SESTD1: variants seen among roughly 807,000 people sequenced by gnomAD.
SESTD1 encodes the protein SEC14 and spectrin domain containing 1, also known as SEC14 domain and spectrin repeat-containing protein 1.
SESTD1 carries 43 observed loss-of-function variants against 101.7 expected under a neutral mutation model. The observed-to-expected ratio is 0.42, with a 90% CI of 0.33 to 0.55. SESTD1 has a LOEUF of 0.55. SESTD1 is among the 20% of genes least tolerant of loss of function. The pLI is 0.07. For synonymous variants in SESTD1, 283 were observed against 286.8 expected, an observed-to-expected ratio of 0.99 and a Z score of 0.13; for missense variants, 647 against 815.1, an observed-to-expected ratio of 0.79 and a Z score of 2.51.
At chr2:179,149,749 CTTCT>C (rs1273078405) in intron 6 of SESTD1, among the ~76,000 whole-genome samples, 3 of 152,290 alleles carry the variant, frequency 2.0e-5, no homozygotes, top group African/African-American at 7.2e-5. Context: ...TTACAGAACA[CTTCT>C]TTATGTTATT....
At chr2:179,189,540 T>C (rs1052476113) in intron 2 of SESTD1, among the ~76,000 whole-genome samples, 3 of 152,130 alleles carry the variant, frequency 2.0e-5, no homozygotes, top group Non-Finnish European at 1.5e-5. Flanking sequence ...TCACCACTTG[T>C]ATTCAACATA....
intron 1 of SESTD1, among the ~76,000 whole-genome samples, chr2:179,242,006 A>G (rs569219738): frequency 2.2e-4 from 34 of 152,050 alleles, no homozygotes; most frequent in Non-Finnish European, 4.3e-4. Flanking sequence ...AGAGGCATAT[A>G]TGTAAGAAAA....
In SESTD1 at chr2:179,210,650, C is replaced by A. The variant is rs2046638782; in HGVS notation, c.-25-18784G>T. Among the ~76,000 whole-genome samples the A allele has an allele frequency of 2.2e-5, 3 of 134,606 alleles. 1 individual carries two copies. Among genetic ancestry groups the A allele is most frequent in the Non-Finnish European group, 4.8e-5 (3 of 62,522 alleles). The allele number at this position is 134,606 out of a possible 152,430, so 88.3% of individuals were successfully genotyped here. Reference sequence around the variant, plus strand: ...ATCCAGCATCACTTTATGATTAAAACCCTCAGCAAAATCAGCATAGAACAG... The same window carrying A: ...ATCCAGCATCACTTTATGATTAAAAACCTCAGCAAAATCAGCATAGAACAG... On this transcript the variant is annotated intron_variant, in intron 1 of 17. Transcript: ENST00000428443.
At chr2:179,231,492 A>G (rs1396131700) in intron 1 of SESTD1, among the ~76,000 whole-genome samples, 2 of 151,314 alleles carry the variant, frequency 1.3e-5, no homozygotes, top group Non-Finnish European at 2.9e-5. Context: ...TGCTACAACA[A>G]CAAACAGCAA....
At chr2:179,257,403 A>G (rs1407185602) in intron 1 of SESTD1, among the ~76,000 whole-genome samples, 1 of 152,238 alleles carries the variant, frequency 6.6e-6, no homozygotes, top group African/African-American at 2.4e-5. Context: ...AAATGAAGAT[A>G]TACGTAGATC....
At chr2:179,223,741 A>T (rs2046845294) in intron 1 of SESTD1, among the ~76,000 whole-genome samples, 1 of 152,214 alleles carries the variant, frequency 6.6e-6, no homozygotes, top group African/African-American at 2.4e-5. Flanking sequence ...GACTAAATGG[A>T]TTAAATGAAG....
At chr2:179,161,523 T>C (rs2045736075) in intron 5 of SESTD1, among the ~76,000 whole-genome samples, 1 of 151,992 alleles carries the variant, frequency 6.6e-6, no homozygotes, top group Admixed American at 6.6e-5. Flanking sequence ...GTGCTGGGCG[T>C]GGTGGCACAT....
chr2:179,219,986 C>T (rs552878940), intron 1 of SESTD1, among the ~76,000 whole-genome samples: 1 of 152,142 alleles, frequency 6.6e-6, no homozygotes, highest in South Asian at 2.1e-4. Flanking sequence ...GAAAAGAAAG[C>T]CTCTGAGATT....
intron 5 of SESTD1, among the ~76,000 whole-genome samples, chr2:179,151,881 G>A (rs903331641): frequency 6.6e-6 from 1 of 152,006 alleles, no homozygotes; most frequent in African/African-American, 2.4e-5. Context: ...CCACAATAAC[G>A]TATGCCAATA....
At chr2:179,132,275 T>C (rs200034284) in intron 10 of SESTD1, 29 bp downstream of exon 10, 574 of 1,523,576 alleles carry the variant, frequency 3.8e-4, no homozygotes, top group Middle Eastern at 8.8e-4. Flanking sequence ...ATAATATCAT[T>C]GTAACTTGCA....
chr2:179,215,543 C>A (rs1323111823), intron 1 of SESTD1, among the ~76,000 whole-genome samples: 1 of 134,014 alleles, frequency 7.5e-6, no homozygotes, highest in African/African-American at 3.0e-5. Context: ...CGATTCACAG[C>A]CGAATTCTAA....
intron 1 of SESTD1, among the ~76,000 whole-genome samples, chr2:179,213,460 A>T (rs1559146227): frequency 1.5e-5 from 2 of 135,002 alleles, no homozygotes; most frequent in Non-Finnish European, 3.2e-5. Context: ...AAAAGAGTAA[A>T]AAGAAACGAA....
At chr2:179,199,913 A>T (rs1016665718) in intron 1 of SESTD1, among the ~76,000 whole-genome samples, 3 of 152,228 alleles carry the variant, frequency 2.0e-5, no homozygotes, top group Admixed American at 6.5e-5. Flanking sequence ...TAGTGTTGGA[A>T]GTTCTGGCCA....
intron 1 of SESTD1, among the ~76,000 whole-genome samples, chr2:179,245,515 CAAAAA>C (rs59103658): frequency 1.1e-4 from 5 of 45,178 alleles, no homozygotes; most frequent in South Asian, 1.1e-3. Flanking sequence ...GACTCTGTCT[CAAAAA>C]AAAAAAAAAA....
At chr2:179,125,350 T>C (rs919739200) in intron 10 of SESTD1, among the ~76,000 whole-genome samples, 2 of 152,164 alleles carry the variant, frequency 1.3e-5, no homozygotes, top group African/African-American at 4.8e-5. Context: ...CCATCCTTGA[T>C]CAAAGGCTAT....
At chr2:179,253,034 G>T (rs2105556759) in intron 1 of SESTD1, among the ~76,000 whole-genome samples, 1 of 152,168 alleles carries the variant, frequency 6.6e-6, no homozygotes, top group South Asian at 2.1e-4. Context: ...GAGAAGAGAG[G>T]CATAAAATAC....
chr2:179,149,059 CAAAAAAAAAA>C (rs66636048), intron 7 of SESTD1, among the ~76,000 whole-genome samples: 8 of 60,412 alleles, frequency 1.3e-4, no homozygotes, highest in East Asian at 1.6e-3. Context: ...GACTCCGTCT[CAAAAAAAAAA>C]AAAAAAAAAA....
chr2:179,213,637 A>C (rs2046680442), intron 1 of SESTD1, among the ~76,000 whole-genome samples: 1 of 134,670 alleles, frequency 7.4e-6, no homozygotes, highest in Non-Finnish European at 1.6e-5. Context: ...AAATTTAGGA[A>C]ATACAAAGAA....
intron 1 of SESTD1, among the ~76,000 whole-genome samples, chr2:179,243,555 T>C (rs1241026095): frequency 6.6e-6 from 1 of 152,090 alleles, no homozygotes; most frequent in Non-Finnish European, 1.5e-5. Context: ...GGTACAAATG[T>C]ACCATGGAAT....
Sources: allele counts gnomAD v4.1 joint callset (sites outside exome capture counted in the v4.1 genomes callset), GRCh38; gene constraint gnomAD v4.1.1; transcripts MANE v1.5; gene names NCBI Gene and HGNC (gene_info 2026-07-23, HGNC 2026-07-21).